EPB41: variants seen among roughly 807,000 people sequenced by gnomAD.
EPB41 encodes protein 4.1.
Under a neutral mutation model 108.0 loss-of-function variants are expected in EPB41, and 65 were observed. The ratio of observed to expected loss-of-function variants is 0.60; its 90% CI spans 0.49 to 0.74. EPB41 has a LOEUF of 0.74. Among genes scored for constraint, EPB41 ranks in the 30% least tolerant of loss-of-function variants. The pLI is 0.00. For missense variants in EPB41, 875 were observed against 1,037.0 expected (o/e 0.84, Z 2.15); for synonymous variants, 336 against 358.9 (o/e 0.94, Z 0.72).
At chr1:28,926,475 T>TTTTTA (rs2093453398) in intron 1 of EPB41, among the ~76,000 whole-genome samples, 2 of 152,220 alleles carry the variant, frequency 1.3e-5, no homozygotes, top group Non-Finnish European at 2.9e-5. Flanking sequence ...AAGCGAAAAT[T>TTTTTA]CGCTTCAAAG....
chr1:29,094,478 G>A (rs558338906), intron 16 of EPB41, among the ~76,000 whole-genome samples: 99 of 152,028 alleles, frequency 6.5e-4, no homozygotes, highest in African/African-American at 2.1e-3. Context: ...GTTTTGCCAC[G>A]TTGGCCAGGG....
intron 16 of EPB41, among the ~76,000 whole-genome samples, chr1:29,075,156 C>CAAAAAA (rs397979778): frequency 1.0e-5 from 1 of 97,544 alleles, no homozygotes; most frequent in Admixed American, 1.2e-4. Flanking sequence ...GACTCCGTCT[C>CAAAAAA]AAAAAAAAAA....
At chr1:29,116,632 A>C (rs1671047238) in intron 20 of EPB41, among the ~76,000 whole-genome samples, 187 bp from the exon 21 acceptor site, 1 of 152,210 alleles carries the variant, frequency 6.6e-6, no homozygotes, top group Non-Finnish European at 1.5e-5. Flanking sequence ...CCAGGGATCC[A>C]GATAAATTCA....
At chr1:29,099,121 A>T (rs1205229470) in intron 17 of EPB41, among the ~76,000 whole-genome samples, 1 of 150,468 alleles carries the variant, frequency 6.6e-6, no homozygotes, top group African/African-American at 2.4e-5. Context: ...GGCCTGGCCA[A>T]CGTGGTGAAA....
In EPB41 at chr1:28,887,806, C is replaced by T. The variant is rs1174928605; in HGVS notation, c.-8+596C>T. On this transcript the variant is annotated intron_variant, in intron 1 of 16. Transcript: ENST00000347529. This position sits in a 1 kb window ranked among gnomAD's most constrained non-coding sequence, Gnocchi z 4.9. ...CCGTCGCGCCAGCCCCACACCCTCC[C>T]TGCCAGGCTTGGTCTAGGGGACTTC... 2 of 442,384 alleles carry T rather than the reference C, an allele frequency of 4.5e-6. No homozygotes were observed. Among genetic ancestry groups the T allele is most frequent in the Non-Finnish European group, 6.0e-6 (2 of 333,446 alleles). 27.4% of individuals were successfully genotyped at this position (442,384 alleles called of 1,614,324 possible). A position where few individuals can be genotyped will look rare whatever the true frequency, so the allele number is the denominator to read the frequency against.
chr1:29,022,922 C>T (rs1427808901), intron 7 of EPB41, among the ~76,000 whole-genome samples: 1 of 152,004 alleles, frequency 6.6e-6, no homozygotes, highest in Non-Finnish European at 1.5e-5. Context: ...GTTACCTTTT[C>T]ATCACTGTTT....
At chr1:29,026,876 G>A (rs748275617) in intron 7 of EPB41, among the ~76,000 whole-genome samples, 4 of 151,942 alleles carry the variant, frequency 2.6e-5, no homozygotes, top group African/African-American at 7.3e-5. Flanking sequence ...GGCAGATCAC[G>A]AGGTGAGGAG....
At chr1:28,911,134 G>C, upstream of EPB41, 1 of 985,384 alleles carries the variant, frequency 1.0e-6, no homozygotes, top group Non-Finnish European at 1.2e-6. Flanking sequence ...CTTCATATTA[G>C]GCATTACTTA....
chr1:28,908,295 G>A (rs1473650705), intron 1 of EPB41, among the ~76,000 whole-genome samples: 3 of 150,768 alleles, frequency 2.0e-5, no homozygotes, highest in South Asian at 2.1e-4. Flanking sequence ...CCAGCTGCTC[G>A]GGAGGCTGAG....
chr1:29,017,481 C>T (rs1008504115), intron 6 of EPB41, among the ~76,000 whole-genome samples: 1 of 152,156 alleles, frequency 6.6e-6, no homozygotes, highest in Non-Finnish European at 1.5e-5. Flanking sequence ...GTAAGGCACT[C>T]ATTTGGTTTG....
chr1:28,908,584 A>C (rs1006651442), intron 1 of EPB41, among the ~76,000 whole-genome samples: 4 of 150,232 alleles, frequency 2.7e-5, no homozygotes, highest in African/African-American at 9.7e-5. Flanking sequence ...GGCGTGTGCC[A>C]CCACGCCTGG....
chr1:28,910,306 A>G (rs2092169123), upstream of EPB41, among the ~76,000 whole-genome samples: 1 of 152,170 alleles, frequency 6.6e-6, no homozygotes, highest in South Asian at 2.1e-4. Context: ...TTGATTTATC[A>G]TTTGTGTTTA....
intron 8 of EPB41, 61 bp downstream of exon 8, chr1:29,030,548 G>A: frequency 3.4e-6 from 4 of 1,180,510 alleles, no homozygotes; most frequent in Non-Finnish European, 3.8e-6. Context: ...ATACATGTCT[G>A]TTATGTATGT....
intron 1 of EPB41, among the ~76,000 whole-genome samples, chr1:28,920,022 T>C (rs534874653): frequency 6.6e-6 from 1 of 152,248 alleles, no homozygotes; most frequent in East Asian, 1.9e-4. Context: ...TGATCTCTGC[T>C]TGTGGAGATT....
At chr1:29,082,876 G>A (rs370481253) in intron 16 of EPB41, among the ~76,000 whole-genome samples, 7 of 152,110 alleles carry the variant, frequency 4.6e-5, no homozygotes, top group East Asian at 3.8e-4. Flanking sequence ...TCTAATAACA[G>A]CACTATTTAG....
rs546982822 is a variant in EPB41 at position 29,064,881 on chromosome 1, G to A, written c.2008-101G>A. On this transcript the variant is annotated intron_variant, in intron 15 of 20. Coordinates refer to ENST00000343067, the MANE Select transcript of EPB41 (RefSeq NM_001376013.1). ...GATTAGTAACATCTGTCCTGGATGT[G>A]GTATGTTTTCTACCAGTGCCCAGTC... 124 of 1,408,378 alleles carry A rather than the reference G, an allele frequency of 8.8e-5. 1 individual carries two copies. The African/African-American group carries it at 1.7e-3, about 19-fold the overall frequency. 87.2% of individuals were successfully genotyped at this position (1,408,378 alleles called of 1,614,324 possible). A position where few individuals can be genotyped will look rare whatever the true frequency, so the allele number is the denominator to read the frequency against.
intron 16 of EPB41, among the ~76,000 whole-genome samples, chr1:29,085,196 G>A (rs551121105): frequency 7.1e-6 from 1 of 140,568 alleles, no homozygotes; most frequent in East Asian, 2.2e-4. Flanking sequence ...AGGCTGGAGT[G>A]CAGTGGCATG....
At chr1:28,943,191 A>G (rs889821038) in intron 1 of EPB41, among the ~76,000 whole-genome samples, 1 of 152,222 alleles carries the variant, frequency 6.6e-6, no homozygotes, top group Non-Finnish European at 1.5e-5. Flanking sequence ...AATTTCCATA[A>G]TAACAGTTCC....
rs140801286 is a variant in EPB41 at position 28,996,671 on chromosome 1, T to C, written c.682-544T>C. Among the ~76,000 whole-genome samples, 333 of 152,358 alleles carry C rather than the reference T, an allele frequency of 2.2e-3. 1 individual carries two copies. The highest frequency in any genetic ancestry group is 7.6e-3 in the African/African-American group (314 of 41,584). ...TTGAATTGTAACACAATTTCTAAACTAGTATATGTGTATTACATATGTAAA... is the reference window on the plus strand; with the variant it reads ...TTGAATTGTAACACAATTTCTAAACCAGTATATGTGTATTACATATGTAAA... On this transcript the variant is annotated intron_variant, in intron 3 of 20. Transcript: ENST00000343067.
Sources: gnomAD v4.1 joint callset for allele counts (sites outside exome capture counted in the v4.1 genomes callset) on GRCh38, gnomAD v4.1.1 for gene constraint, Gnocchi (gnomAD v3.1) non-coding constraint, MANE v1.5 for transcripts, NCBI Gene and HGNC (gene_info 2026-07-23, HGNC 2026-07-21) for gene names.